Variants in CSMD1 observed in about 807,000 individuals in gnomAD.
The protein encoded by CSMD1 is CUB and sushi domain-containing protein 1.
In CSMD1, 213 loss-of-function variants were observed where a neutral mutation model predicts 417.5. The ratio of observed to expected loss-of-function variants is 0.51; its 90% CI spans 0.46 to 0.57. The LOEUF is 0.57. Among genes scored for constraint, CSMD1 ranks in the 20% least tolerant of loss-of-function variants. The probability of loss-of-function intolerance (pLI) is 0.00; values close to 1 mark genes in which losing one functional copy is unlikely to be tolerated. For missense variants in CSMD1, 6,923 were observed against 4,529.7 expected (o/e 1.53, Z -15.17); for synonymous variants, 2,862 against 1,736.8 (o/e 1.65, Z -16.11).
At chr8:4,330,617 C>G (rs370989496) in intron 3 of CSMD1, among the ~76,000 whole-genome samples, 3 of 151,470 alleles carry the variant, frequency 2.0e-5, no homozygotes, top group Non-Finnish European at 4.4e-5. Context: ...TTTGTAATAG[C>G]TCATAAATCT....
At chr8:4,218,343 C>T (rs571610911) in intron 3 of CSMD1, among the ~76,000 whole-genome samples, 2 of 152,134 alleles carry the variant, frequency 1.3e-5, no homozygotes, top group South Asian at 4.1e-4. Context: ...AATATTCAAA[C>T]TGTTGATTTT....
rs148741770 is a variant in CSMD1, at chr8:4,222,074, A to G, written c.416-189975T>C. Among the ~76,000 whole-genome samples the G allele has an allele frequency of 1.0e-3, 150 of 150,092 alleles. 1 individual carries two copies. In the South Asian group the frequency reaches 0.016, roughly 16 times the overall value. ...CATCAAAGGCCATCAATGACTTAGA[A>G]AAGCCATTAGTGGAAGAAAGATCAA... On this transcript the variant is annotated intron_variant, in intron 3 of 69. Coordinates refer to ENST00000635120, the MANE Select transcript of CSMD1 (RefSeq NM_033225.6).
intron 1 of CSMD1, among the ~76,000 whole-genome samples, chr8:4,854,491 A>C (rs1470452160): frequency 2.0e-5 from 3 of 152,088 alleles, no homozygotes; most frequent in Admixed American, 2.0e-4. Flanking sequence ...CTGTATTTCC[A>C]TCTGAGGTAC....
chr8:3,232,910 T>C (rs1798924750), intron 26 of CSMD1, among the ~76,000 whole-genome samples: 1 of 151,918 alleles, frequency 6.6e-6, no homozygotes, highest in South Asian at 2.1e-4. Context: ...CTCTTCCTAA[T>C]TACATGCATT....
rs1361913405 is a variant in CSMD1 at position 4,173,455 on chromosome 8, A to G, written c.416-141356T>C. Reference sequence around the variant, plus strand: ...TCACCAGAGGACGTTACTGAAGCACAGAAGAAGAGATAGTAAGTTGGATCT... The same window carrying G: ...TCACCAGAGGACGTTACTGAAGCACGGAAGAAGAGATAGTAAGTTGGATCT... On this transcript the variant is annotated intron_variant, in intron 3 of 69. Transcript: ENST00000635120. 3.3e-5 allele frequency among the ~76,000 whole-genome samples: 5 copies of G among 152,270 alleles called. No individual in the cohort carries two copies. In the South Asian group the frequency reaches 1.0e-3, roughly 32 times the overall value.
At chr8:4,576,534 G>A (rs1383925452) in intron 2 of CSMD1, among the ~76,000 whole-genome samples, 1 of 152,204 alleles carries the variant, frequency 6.6e-6, no homozygotes, top group East Asian at 1.9e-4. Flanking sequence ...AAGATAGCAA[G>A]GACTGTCTCT....
intron 3 of CSMD1, among the ~76,000 whole-genome samples, chr8:4,183,255 G>A (rs1167069479): frequency 6.6e-6 from 1 of 152,114 alleles, no homozygotes; most frequent in South Asian, 2.1e-4. Context: ...ATTTGCAGTA[G>A]ACTGAAAATT....
chr8:4,848,857 TTAATAA>T (rs1250607336), intron 1 of CSMD1, among the ~76,000 whole-genome samples: 5 of 152,238 alleles, frequency 3.3e-5, no homozygotes, highest in Non-Finnish European at 2.9e-5. Context: ...TACATAATAC[TTAATAA>T]TAATAAACAA....
intron 5 of CSMD1, among the ~76,000 whole-genome samples, chr8:3,968,849 T>C (rs1407728557): frequency 6.6e-6 from 1 of 152,232 alleles, no homozygotes; most frequent in South Asian, 2.1e-4. Context: ...CTGCTGGTTA[T>C]ATTCGATCAC....
At chr8:4,704,279 G>C (rs1301845176) in intron 1 of CSMD1, among the ~76,000 whole-genome samples, 1 of 152,180 alleles carries the variant, frequency 6.6e-6, no homozygotes, top group East Asian at 1.9e-4. Context: ...GGAAAACAGA[G>C]ACTTTTACTT....
chr8:4,075,249 T>C (rs956944467), intron 3 of CSMD1, among the ~76,000 whole-genome samples: 1 of 152,086 alleles, frequency 6.6e-6, no homozygotes, highest in African/African-American at 2.4e-5. Flanking sequence ...TAGGATAATC[T>C]AAAAAACAAA....
At chr8:4,036,121 A>T (rs894689235) in intron 3 of CSMD1, among the ~76,000 whole-genome samples, 4 of 152,216 alleles carry the variant, frequency 2.6e-5, no homozygotes, top group Admixed American at 6.5e-5. Context: ...ACTAGGCTAC[A>T]CCACACATCC....
At chr8:4,048,296 G>A (rs920701276) in intron 3 of CSMD1, among the ~76,000 whole-genome samples, 4 of 152,124 alleles carry the variant, frequency 2.6e-5, no homozygotes, top group African/African-American at 9.7e-5. Context: ...GCATAAGATT[G>A]AGCTGGTTAC....
At chr8:3,197,573 C>G (rs1487316160) in intron 33 of CSMD1, among the ~76,000 whole-genome samples, 1 of 151,124 alleles carries the variant, frequency 6.6e-6, no homozygotes, top group African/African-American at 2.4e-5. Context: ...TCACGCCATT[C>G]TCCTGCCTCA....
At chr8:3,766,818 C>A (rs953571389) in intron 5 of CSMD1, among the ~76,000 whole-genome samples, 6 of 152,250 alleles carry the variant, frequency 3.9e-5, no homozygotes, top group African/African-American at 1.4e-4. Context: ...CTTATCCTAG[C>A]TCATTCCAAG....
chr8:3,931,196 G>C (rs1386205712), intron 5 of CSMD1, among the ~76,000 whole-genome samples: 1 of 150,518 alleles, frequency 6.6e-6, no homozygotes, highest in Non-Finnish European at 1.5e-5. Context: ...TATCCATTTA[G>C]GAAGACACTA....
intron 3 of CSMD1, among the ~76,000 whole-genome samples, chr8:4,228,330 C>G (rs1476456905): frequency 1.3e-5 from 2 of 152,172 alleles, no homozygotes; most frequent in African/African-American, 4.8e-5. Flanking sequence ...TATTCTCTGT[C>G]TCTAATTCCT....
At chr8:3,245,003 G>C (rs1021799639) in intron 26 of CSMD1, among the ~76,000 whole-genome samples, 2 of 152,206 alleles carry the variant, frequency 1.3e-5, no homozygotes, top group Non-Finnish European at 2.9e-5. Context: ...TCAAGAGGGA[G>C]ATTCTGAATT....
At chr8:3,135,812 C>T (rs1417754078) in intron 41 of CSMD1, among the ~76,000 whole-genome samples, 2 of 152,142 alleles carry the variant, frequency 1.3e-5, no homozygotes, top group Non-Finnish European at 2.9e-5. Context: ...AGAAAGTGTT[C>T]CCAAAATGTT....
Sources: allele counts gnomAD v4.1 joint callset (sites outside exome capture counted in the v4.1 genomes callset), GRCh38; gene constraint gnomAD v4.1.1; transcripts MANE v1.5; gene names NCBI Gene and HGNC (gene_info 2026-07-23, HGNC 2026-07-21).